PHF20L1: variants seen among roughly 807,000 people sequenced by gnomAD.
The protein encoded by PHF20L1 is PHD finger protein 20 like 1.
PHF20L1 carries 44 observed loss-of-function variants against 125.5 expected under a neutral mutation model. The ratio of observed to expected loss-of-function variants is 0.35; its 90% confidence interval spans 0.28 to 0.45. PHF20L1 has a LOEUF of 0.45. Ranked by LOEUF, PHF20L1 falls within the 20% of genes least tolerant of loss-of-function variation. The pLI, the probability that PHF20L1 is intolerant of heterozygous loss-of-function variation, is 1.00. For synonymous variants in PHF20L1, 380 were observed against 403.1 expected (o/e 0.94, Z 0.69); for missense variants, 1,012 against 1,217.2 (o/e 0.83, Z 2.51).
At chr8:132,825,479 G>A in intron 14 of PHF20L1, 108 bp downstream of exon 14, 1 of 840,656 alleles carries the variant, frequency 1.2e-6, no homozygotes, top group Non-Finnish European at 1.7e-6. Flanking sequence ...CGTGTCCCGT[G>A]TTGAGAACTG....
At chr8:132,836,424 T>G (rs1837368104) in intron 15 of PHF20L1, 116 bp from the exon 16 acceptor site, 1 of 662,060 alleles carries the variant, frequency 1.5e-6, no homozygotes, top group South Asian at 2.0e-5. Flanking sequence ...ATTTGTTTGC[T>G]CCCCCTTTTT....
In PHF20L1 at chr8:132,775,569, C is replaced by A. The variant is rs1156688204; in HGVS notation, c.-114C>A. ...GCCTGGGCGGAGGCAGAGGCAGAGG[C>A]CCGGGCTGGCCGCCCTGCTCGTGCC... On this transcript the variant is annotated 5_prime_UTR_variant, in exon 1 of 21. Coordinates refer to ENST00000395386, the MANE Select transcript of PHF20L1 (RefSeq NM_016018.5). The A allele has an allele frequency of 1.1e-5, 4 of 357,560 alleles. No individual in the cohort carries two copies. The highest frequency in any genetic ancestry group is 1.5e-5 in the Non-Finnish European group (3 of 199,352). The allele number at this position is 357,560 out of a possible 1,614,324, so 22.1% of individuals were successfully genotyped here. A position where few individuals can be genotyped will look rare whatever the true frequency, so the allele number is the denominator to read the frequency against.
chr8:132,794,181 T>C (rs1329278286), intron 2 of PHF20L1, among the ~76,000 whole-genome samples: 3 of 152,166 alleles, frequency 2.0e-5, no homozygotes, highest in African/African-American at 7.2e-5. Flanking sequence ...AACAGTGCAG[T>C]CATTTATATT....
chr8:132,816,442 T>G (rs1834994222), intron 10 of PHF20L1: 1 of 155,152 alleles, frequency 6.4e-6, no homozygotes, highest in African/African-American at 2.4e-5. Context: ...TCTATAATGT[T>G]GTATCATCTT....
At chr8:132,808,270 A>G (rs1025990265) in intron 8 of PHF20L1, 1 of 152,264 alleles carries the variant, frequency 6.6e-6, no homozygotes, top group African/African-American at 2.4e-5. Flanking sequence ...AACACATTGC[A>G]ATGCTTTATT....
intron 2 of PHF20L1, among the ~76,000 whole-genome samples, chr8:132,792,032 C>G (rs559239904): frequency 6.6e-6 from 1 of 152,302 alleles, no homozygotes; most frequent in South Asian, 2.1e-4. Context: ...GTGTTTAACT[C>G]TGTTACTGTG....
At chr8:132,779,047 G>A (rs1830138210) in intron 2 of PHF20L1, among the ~76,000 whole-genome samples, 1 of 152,100 alleles carries the variant, frequency 6.6e-6, no homozygotes, top group Admixed American at 6.5e-5. Context: ...ACCAGGCTGG[G>A]GTTTCTCTCT....
intron 2 of PHF20L1, among the ~76,000 whole-genome samples, chr8:132,788,405 T>C (rs1026235283): frequency 6.6e-5 from 10 of 152,170 alleles, no homozygotes; most frequent in South Asian, 4.1e-4. Context: ...TTGATTGATA[T>C]GGTGCTTATT....
intron 14 of PHF20L1, among the ~76,000 whole-genome samples, chr8:132,827,569 A>G (rs1389315751): frequency 6.6e-6 from 1 of 152,048 alleles, no homozygotes; most frequent in Non-Finnish European, 1.5e-5. Context: ...TACAAAACAA[A>G]ATAAGAAGGG....
chr8:132,844,464 T>G (rs1431286435), intron 20 of PHF20L1, 146 bp downstream of exon 20: 1 of 627,570 alleles, frequency 1.6e-6, no homozygotes, highest in African/African-American at 1.8e-5. Context: ...TGTATTGTAT[T>G]TAACACATTT....
intron 9 of PHF20L1, chr8:132,811,843 T>C (rs1834427103): frequency 1.0e-6 from 1 of 983,958 alleles, no homozygotes; most frequent in Non-Finnish European, 1.2e-6. Context: ...GTTCTCCTGT[T>C]TTAAAATCTG....
At chr8:132,811,223 G>A in intron 9 of PHF20L1, 95 bp downstream of exon 9, 1 of 1,559,648 alleles carries the variant, frequency 6.4e-7, no homozygotes. Context: ...CTTTTGATCA[G>A]ATATGGGAAT....
In PHF20L1 at chr8:132,836,562, AGAT is replaced by A; in HGVS notation, c.1936_1938del (p.Asp646del). 1 of 1,609,816 alleles carries A rather than the reference AGAT, an allele frequency of 6.2e-7. No homozygotes were observed. Among genetic ancestry groups the A allele is most frequent in the South Asian group, 1.1e-5 (1 of 90,970 alleles). On this transcript the variant is annotated inframe_deletion, in exon 16 of 21. Transcript: ENST00000395386. ...TAGACTTATCAGATGTAGACTTCCT[AGAT>A]GATTCTTCAACGGAGAGTTTGCTTC...
intron 9 of PHF20L1, chr8:132,812,524 T>C (rs1834516432): frequency 1.0e-6 from 1 of 984,738 alleles, no homozygotes; most frequent in African/African-American, 1.7e-5. Flanking sequence ...CTTTTGAGAG[T>C]CCTTGCCAGT....
At chr8:132,787,461 G>C (rs1249140200) in intron 2 of PHF20L1, among the ~76,000 whole-genome samples, 3 of 152,056 alleles carry the variant, frequency 2.0e-5, no homozygotes, top group Non-Finnish European at 2.9e-5. Context: ...GGGATCAATA[G>C]GTCTGAAAAG....
chr8:132,778,649 G>A (rs912561222), intron 2 of PHF20L1, among the ~76,000 whole-genome samples: 1 of 152,194 alleles, frequency 6.6e-6, no homozygotes, highest in Non-Finnish European at 1.5e-5. Flanking sequence ...GCTACATGCA[G>A]GGGTCCCTGG....
At chr8:132,814,232 T>G (rs1834719022) in intron 9 of PHF20L1, among the ~76,000 whole-genome samples, 1 of 151,976 alleles carries the variant, frequency 6.6e-6, no homozygotes, top group Admixed American at 6.6e-5. Context: ...ACATCTAAAA[T>G]CAAAAGCTTA....
rs533261034 is a variant in PHF20L1 at position 132,812,338 on chromosome 8, A to T, written c.930+1210A>T. The T allele has an allele frequency of 5.1e-5, 50 of 984,590 alleles. No individual in the cohort carries two copies. In the South Asian group the frequency reaches 1.8e-3, roughly 36 times the overall value. 61.0% of individuals were successfully genotyped at this position (984,590 alleles called of 1,614,324 possible). A position where few individuals can be genotyped will look rare whatever the true frequency, so the allele number is the denominator to read the frequency against. On this transcript the variant is annotated intron_variant, in intron 9 of 20. Coordinates refer to ENST00000395386, the MANE Select transcript of PHF20L1 (RefSeq NM_016018.5). ...TTCATTACAATGTCAATCTTTGATT[A>T]TGCACAATCCTGCTGAGGTGAATGT...
intron 18 of PHF20L1, 122 bp from the exon 19 acceptor site, chr8:132,842,393 T>G: frequency 1.3e-6 from 1 of 745,240 alleles, no homozygotes; most frequent in Non-Finnish European, 2.0e-6. Context: ...AAAGATTACC[T>G]TTGCTTTTGT....
Sources: gnomAD v4.1 joint callset for allele counts (sites outside exome capture counted in the v4.1 genomes callset) on GRCh38, gnomAD v4.1.1 for gene constraint, MANE v1.5 for transcripts, NCBI Gene and HGNC (gene_info 2026-07-23, HGNC 2026-07-21) for gene names.